Variants in ZC3H3 observed in about 807,000 individuals in gnomAD.
The protein encoded by ZC3H3 is zinc finger CCCH domain-containing protein 3.
Under a neutral mutation model 77.3 loss-of-function variants are expected in ZC3H3, and 36 were observed. The observed-to-expected ratio is 0.47, with a 90% CI of 0.36 to 0.61. The LOEUF (loss-of-function observed/expected upper bound fraction) is 0.61, where lower values mean the gene tolerates loss of function less well. Ranked by LOEUF, ZC3H3 falls within the 20% of genes least tolerant of loss-of-function variation. The pLI is 0.00. For missense variants in ZC3H3, 1,331 were observed against 1,312.2 expected (o/e 1.01, Z -0.22); for synonymous variants, 626 against 555.2 (o/e 1.13, Z -1.79).
intron 4 of ZC3H3, among the ~76,000 whole-genome samples, chr8:143,478,424 G>A (rs534536640): frequency 2.2e-4 from 33 of 152,314 alleles, no homozygotes; most frequent in South Asian, 1.9e-3. Flanking sequence ...TTCCAGGACC[G>A]CCCCACCCAC....
At chr8:143,473,756 C>T (rs1454337798) in intron 5 of ZC3H3, among the ~76,000 whole-genome samples, 2 of 152,208 alleles carry the variant, frequency 1.3e-5, no homozygotes, top group Admixed American at 1.3e-4. Flanking sequence ...GTCCTCAGAG[C>T]ACCTGCTGCT....
intron 9 of ZC3H3, among the ~76,000 whole-genome samples, chr8:143,445,172 G>A (rs192749320): frequency 9.5e-4 from 144 of 152,152 alleles, no homozygotes; most frequent in Admixed American, 1.8e-3. Context: ...ACCTTAAGTC[G>A]GTGGTTGGAG....
In ZC3H3 at chr8:143,483,447, G is replaced by A. The variant is rs927098751; in HGVS notation, c.1716-7862C>T. ...GAGGCTGGGGCAATGCAGGGGAGGT[G>A]GTTCTACTGGACAGACACTCACAGA... On this transcript the variant is annotated intron_variant, in intron 4 of 11. Transcript: ENST00000262577. Among the ~76,000 whole-genome samples, 13 of 152,308 alleles carry A rather than the reference G, an allele frequency of 8.5e-5. No individual in the cohort carries two copies. The East Asian group carries it at 2.3e-3, about 27-fold the overall frequency.
rs781474232 is a variant in ZC3H3 at position 143,441,001 on chromosome 8, C to T, written c.2427G>A (p.Thr809=). ...TQKRHSRRAA[T]SPAPGPSDAT... is the part of the protein sequence containing the mutation. The stretch of plus-strand genomic sequence containing the variant: ...CGTCGCTGGGCCCTGGGGCGGGGGA[C>T]GTGGCTGCCCGCCGACTGTGGCGTT... Residue 809 remains threonine, a synonymous_variant, in exon 10 of 12, where the codon ACG becomes ACA. Transcript: ENST00000262577. 22 of 1,470,106 alleles carry T rather than the reference C, an allele frequency of 1.5e-5. No individual in the cohort carries two copies. Among genetic ancestry groups the T allele is most frequent in the African/African-American group, 4.4e-5 (3 of 67,664 alleles). The allele number at this position is 1,470,106 out of a possible 1,614,324, so 91.1% of individuals were successfully genotyped here.
At chr8:143,457,548 T>C (rs921030212) in intron 9 of ZC3H3, among the ~76,000 whole-genome samples, 12 of 143,160 alleles carry the variant, frequency 8.4e-5, no homozygotes, top group South Asian at 6.6e-4. Flanking sequence ...CTGGGCAACA[T>C]AGCGAGACCT....
chr8:143,448,576 A>G (rs1346897299), intron 9 of ZC3H3, among the ~76,000 whole-genome samples: 1 of 152,224 alleles, frequency 6.6e-6, no homozygotes, highest in Non-Finnish European at 1.5e-5. Context: ...AGGGCTCCCA[A>G]GTCCTCAGCC....
intron 4 of ZC3H3, among the ~76,000 whole-genome samples, chr8:143,478,562 T>G (rs1445108870): frequency 6.6e-6 from 1 of 152,228 alleles, no homozygotes; most frequent in Non-Finnish European, 1.5e-5. Context: ...CAGGCTAGAG[T>G]GCAATGGTGC....
rs185423705 is a variant in ZC3H3, at chr8:143,533,333, G to C, written c.1561+2924C>G. 6.6e-6 allele frequency among the ~76,000 whole-genome samples: 1 copy of C among 152,248 alleles called. No individual in the cohort carries two copies. Among genetic ancestry groups the C allele is most frequent in the African/African-American group, 2.4e-5 (1 of 41,538 alleles). On this transcript the variant is annotated intron_variant, in intron 3 of 11. Transcript: ENST00000262577. The surrounding 1 kb of genome is among the most constrained non-coding windows in gnomAD (Gnocchi z 4.0). ...AGCTGAGCCCTATTCGCTCCTCTCTGCTCAGGTCACCTCCTCAGAGAAGCC... is the reference window on the plus strand; with the variant it reads ...AGCTGAGCCCTATTCGCTCCTCTCTCCTCAGGTCACCTCCTCAGAGAAGCC...
rs1162648619 is a variant in ZC3H3, at chr8:143,507,759, G to A, written c.1702C>T (p.Leu568Phe). Reference sequence around the variant, plus strand: ...AAGCCTTCCTACCTGGATAGTGAGAGCCGCCGGGCCCGCCAGGAGGGCAGA... The same window carrying A: ...AAGCCTTCCTACCTGGATAGTGAGAACCGCCGGGCCCGCCAGGAGGGCAGA... ...LSLPSWRARR[L>F]SLSRSLVLNR... The change falls in exon 4 of 12, where the codon CTC (leucine) becomes TTC (phenylalanine). Residue 568 changes from leucine (L) to phenylalanine (F), a missense_variant. Coordinates refer to ENST00000262577, the MANE Select transcript of ZC3H3 (RefSeq NM_015117.3). 1.9e-6 allele frequency: 3 copies of A among 1,580,302 alleles called. No individual in the cohort carries two copies. The highest frequency in any genetic ancestry group is 2.6e-6 in the Non-Finnish European group (3 of 1,164,562).
chr8:143,472,564 G>A (rs1048775834), intron 5 of ZC3H3, among the ~76,000 whole-genome samples: 3 of 152,192 alleles, frequency 2.0e-5, no homozygotes, highest in African/African-American at 7.2e-5. Flanking sequence ...GGCCATCCGG[G>A]TGGTGGGCAC....
chr8:143,484,679 C>T (rs1821003128), intron 4 of ZC3H3: 1 of 220,860 alleles, frequency 4.5e-6, no homozygotes, highest in South Asian at 4.8e-5. Context: ...CGACCCTCTG[C>T]ACCTGTGCCA....
intron 3 of ZC3H3, among the ~76,000 whole-genome samples, chr8:143,523,924 C>G (rs564731271): frequency 2.6e-5 from 4 of 152,232 alleles, no homozygotes; most frequent in Non-Finnish European, 5.9e-5. Flanking sequence ...ACTACAGGCC[C>G]CACAGGGCCA....
chr8:143,440,164 A>T lies in ZC3H3; in HGVS notation c.2692T>A (p.Leu898Ile). 6.2e-7 allele frequency: 1 copy of T among 1,612,104 alleles called. No individual in the cohort carries two copies. The highest frequency in any genetic ancestry group is 8.5e-7 in the Non-Finnish European group (1 of 1,179,732). Residue 898 changes from leucine to isoleucine, a missense_variant, in exon 11 of 12, where the codon TTA becomes ATA. By Grantham distance (5) the Leu-to-Ile change is conservative. This residue lies in a region of ZC3H3 where 249 missense variants were observed against 236.9 expected (regional missense o/e 1.05). Coordinates refer to ENST00000262577, the MANE Select transcript of ZC3H3 (RefSeq NM_015117.3). ...AGCCTGTTGGAGCACGCTGCTGCTA[A>T]GGCAGCCTCCTGGAGAGATGGTGCC... ...HEAPSLQEAA[L>I]AAACSNRLCK...
In ZC3H3 at chr8:143,538,385, G is replaced by A. The variant is rs781418464; in HGVS notation, c.982C>T (p.Leu328Phe). Reference protein sequence around the residue: ...SKSPRVARRALSPRVAAENVC... With the variant: ...SKSPRVARRAFSPRVAAENVC... ...TTCTCTGCAGCCACTCTGGGACTGA[G>A]GGCCCTCCGAGCAACCCGGGGACTC... The change falls in exon 2 of 12, where the codon CTC becomes TTC. Residue 328 changes from leucine to phenylalanine, a missense_variant. This residue lies in a region of ZC3H3 where 978 missense variants were observed against 915.5 expected (regional missense o/e 1.07). Coordinates refer to ENST00000262577, the MANE Select transcript of ZC3H3 (RefSeq NM_015117.3). 1.2e-6 allele frequency: 2 copies of A among 1,613,154 alleles called. No homozygotes were observed. The highest frequency in any genetic ancestry group is 2.2e-5 in the South Asian group (2 of 91,084).
At chr8:143,529,689 T>C (rs925302890) in intron 3 of ZC3H3, among the ~76,000 whole-genome samples, 1 of 152,134 alleles carries the variant, frequency 6.6e-6, no homozygotes, top group Non-Finnish European at 1.5e-5. Flanking sequence ...TGAGACCCAG[T>C]ATCCAGAGAG....
chr8:143,480,817 T>C (rs1321863332), intron 4 of ZC3H3, among the ~76,000 whole-genome samples: 1 of 152,198 alleles, frequency 6.6e-6, no homozygotes, highest in South Asian at 2.1e-4. Context: ...TCAGCGTGAC[T>C]GGCACACTGG....
At chr8:143,516,276 C>T in intron 3 of ZC3H3, among the ~76,000 whole-genome samples, 1 of 152,176 alleles carries the variant, frequency 6.6e-6, no homozygotes, top group Non-Finnish European at 1.5e-5. Context: ...GTGATGGCTC[C>T]CAGGACCTCA....
chr8:143,532,699 G>T (rs1407825392), intron 3 of ZC3H3, among the ~76,000 whole-genome samples: 1 of 152,254 alleles, frequency 6.6e-6, no homozygotes, highest in African/African-American at 2.4e-5. Context: ...GAAGCCCACT[G>T]GCCAAGGCAG....
At chr8:143,470,109 G>A (rs965152458) in intron 5 of ZC3H3, among the ~76,000 whole-genome samples, 3 of 152,144 alleles carry the variant, frequency 2.0e-5, no homozygotes, top group Admixed American at 6.5e-5. Flanking sequence ...CCGCTCCCTC[G>A]CACCCCCAGG....
Sources: gnomAD v4.1 joint callset for allele counts (sites outside exome capture counted in the v4.1 genomes callset) on GRCh38, gnomAD v4.1.1 for gene constraint, gnomAD v4.1.1 regional missense constraint, Gnocchi (gnomAD v3.1) non-coding constraint, MANE v1.5 for transcripts, NCBI Gene and HGNC (gene_info 2026-07-23, HGNC 2026-07-21) for gene names.